The following ENTREP2 variants were observed in gnomAD, a reference collection of about 807,000 sequenced individuals.
ENTREP2 encodes the protein protein ENTREP2.
At chr15:29,489,179 AG>A in the ENTREP2 span, among the ~76,000 whole-genome samples, 1 of 152,220 alleles carries the variant, frequency 6.6e-6, no homozygotes, top group Non-Finnish European at 1.5e-5. Context: ...AACTGATCAA[AG>A]TTCTGAATCA....
the ENTREP2 span, among the ~76,000 whole-genome samples, chr15:29,159,695 A>G: frequency 9.3e-6 from 1 of 107,718 alleles, no homozygotes; most frequent in African/African-American, 3.1e-5. Context: ...CAGAGTAGCT[A>G]GATACAGAGT....
the ENTREP2 span, among the ~76,000 whole-genome samples, chr15:29,347,636 T>TA: frequency 6.6e-6 from 1 of 152,204 alleles, no homozygotes; most frequent in Non-Finnish European, 1.5e-5. Flanking sequence ...AAATAGTTTT[T>TA]ACCTTAAAAA....
the ENTREP2 span, among the ~76,000 whole-genome samples, chr15:29,451,634 C>G: frequency 1.3e-5 from 2 of 152,196 alleles, no homozygotes; most frequent in East Asian, 3.9e-4. Context: ...CCCCTCTGCC[C>G]ACCACGGGAG....
At chr15:29,130,202 A>G in the ENTREP2 span, among the ~76,000 whole-genome samples, 1 of 152,134 alleles carries the variant, frequency 6.6e-6, no homozygotes, top group Non-Finnish European at 1.5e-5. Context: ...AGAGCTGCCC[A>G]AGTGCGTCCT....
At chr15:29,461,313 T>C in the ENTREP2 span, among the ~76,000 whole-genome samples, 3 of 152,292 alleles carry the variant, frequency 2.0e-5, no homozygotes, top group Admixed American at 2.0e-4. Context: ...ACAATGCTTA[T>C]ATCAGTATCA....
chr15:29,321,481 C>CAAAA, the ENTREP2 span, among the ~76,000 whole-genome samples: 1 of 151,782 alleles, frequency 6.6e-6, no homozygotes, highest in South Asian at 2.1e-4. Context: ...AATCCCATCT[C>CAAAA]AACAAACAAA....
At chr15:29,591,878 AG>A in the ENTREP2 span, among the ~76,000 whole-genome samples, 2 of 109,872 alleles carry the variant, frequency 1.8e-5, no homozygotes, top group African/African-American at 1.0e-4. Context: ...AAGAAGAAGA[AG>A]AAGAAGAAGA....
chr15:29,586,923 A>T, the ENTREP2 span, among the ~76,000 whole-genome samples: 1 of 152,172 alleles, frequency 6.6e-6, no homozygotes, highest in Non-Finnish European at 1.5e-5. Flanking sequence ...TATTAGTATT[A>T]GCATGGGGAG....
At chr15:29,355,424 T>A in the ENTREP2 span, among the ~76,000 whole-genome samples, 2 of 151,876 alleles carry the variant, frequency 1.3e-5, no homozygotes, top group African/African-American at 2.4e-5. Flanking sequence ...CTTTTTTTTT[T>A]TTAAGCTTAA....
the ENTREP2 span, among the ~76,000 whole-genome samples, chr15:29,250,715 G>T: frequency 6.6e-6 from 1 of 152,146 alleles, no homozygotes; most frequent in African/African-American, 2.4e-5. Flanking sequence ...TAGGTCACCA[G>T]ATTTTGCTAT....
chr15:29,334,623 G>A, the ENTREP2 span, among the ~76,000 whole-genome samples: 1 of 148,698 alleles, frequency 6.7e-6, no homozygotes, highest in African/African-American at 2.6e-5. Flanking sequence ...CACTGAAAAG[G>A]AACTTTTTGT....
At chr15:29,289,135 AG>A in the ENTREP2 span, among the ~76,000 whole-genome samples, 1 of 151,490 alleles carries the variant, frequency 6.6e-6, no homozygotes, top group African/African-American at 2.4e-5. Context: ...TGAGCCTAGG[AG>A]GCAGAGGTTG....
chr15:29,474,546 T>C, the ENTREP2 span, among the ~76,000 whole-genome samples: 1 of 151,956 alleles, frequency 6.6e-6, no homozygotes, highest in Non-Finnish European at 1.5e-5. Flanking sequence ...TTCAAGGTCA[T>C]TTCTGTTGTT....
At chr15:29,292,152 A>G in the ENTREP2 span, among the ~76,000 whole-genome samples, 1 of 152,218 alleles carries the variant, frequency 6.6e-6, no homozygotes, top group Non-Finnish European at 1.5e-5. Flanking sequence ...ACTTACTGCA[A>G]CTTTGCCAGC....
chr15:29,543,713 A>G, the ENTREP2 span, among the ~76,000 whole-genome samples: 1 of 151,840 alleles, frequency 6.6e-6, no homozygotes, highest in East Asian at 1.9e-4. Context: ...TGGGAGGCAG[A>G]GGTTGCAGTG....
At chr15:29,581,001 G>A in the ENTREP2 span, among the ~76,000 whole-genome samples, 305 of 152,112 alleles carry the variant, frequency 2.0e-3, 1 homozygote, top group Non-Finnish European at 3.3e-3. Context: ...GTAAGACCTC[G>A]CACCAGACCT....
the ENTREP2 span, among the ~76,000 whole-genome samples, chr15:29,598,604 T>A: frequency 6.6e-6 from 1 of 152,246 alleles, no homozygotes; most frequent in Admixed American, 6.5e-5. Context: ...TGTTTTAAAA[T>A]TTTCAAACTA....
At chr15:29,160,740 A>G in the ENTREP2 span, among the ~76,000 whole-genome samples, 5 of 147,792 alleles carry the variant, frequency 3.4e-5, no homozygotes, top group Admixed American at 2.0e-4. Context: ...AAAAATCAGG[A>G]CGTTGATACC....
At chr15:29,130,019 T>C in the ENTREP2 span, among the ~76,000 whole-genome samples, 2 of 152,144 alleles carry the variant, frequency 1.3e-5, no homozygotes, top group Non-Finnish European at 2.9e-5. Flanking sequence ...CATTTCTGCC[T>C]CCCTTATCTC....
Sources: allele counts gnomAD v4.1 joint callset (sites outside exome capture counted in the v4.1 genomes callset), GRCh38; gene constraint gnomAD v4.1.1; transcripts MANE v1.5; gene names NCBI Gene and HGNC (gene_info 2026-07-23, HGNC 2026-07-21).